LRFN5: variants seen among roughly 807,000 people sequenced by gnomAD.
LRFN5 encodes leucine-rich repeat and fibronectin type-III domain-containing protein 5.
Under a neutral mutation model 45.6 loss-of-function variants are expected in LRFN5, and 24 were observed. That is an observed-to-expected ratio of 0.53 (90% CI 0.38 to 0.74). LRFN5 has a LOEUF of 0.74. Among genes scored for constraint, LRFN5 ranks in the 30% least tolerant of loss-of-function variants. LRFN5 has a pLI of 0.00. For synonymous variants in LRFN5, 340 were observed against 313.8 expected, an observed-to-expected ratio of 1.08 and a Z score of -0.88; for missense variants, 776 against 861.5, an observed-to-expected ratio of 0.90 and a Z score of 1.24.
intron 1 of LRFN5, among the ~76,000 whole-genome samples, chr14:41,709,079 C>T (rs987872713): frequency 1.4e-5 from 2 of 143,980 alleles, no homozygotes; most frequent in African/African-American, 2.5e-5. Flanking sequence ...AAGTAAAACT[C>T]GTACCAACTG....
At chr14:41,898,881 A>G in intron 4 of LRFN5, 36 bp from the exon 5 acceptor site, 3 of 1,586,308 alleles carry the variant, frequency 1.9e-6, no homozygotes, top group Non-Finnish European at 1.7e-6. Flanking sequence ...TTTTAAAAAA[A>G]TGAATTGTTT....
intron 2 of LRFN5, among the ~76,000 whole-genome samples, chr14:41,804,037 T>C (rs1887433212): frequency 1.3e-5 from 2 of 152,070 alleles, no homozygotes; most frequent in African/African-American, 2.4e-5. Flanking sequence ...CTAATTTTTG[T>C]ATTTTTGGTA....
intron 2 of LRFN5, among the ~76,000 whole-genome samples, chr14:41,850,646 A>C (rs1235188089): frequency 6.6e-6 from 1 of 151,838 alleles, no homozygotes; most frequent in Admixed American, 6.6e-5. Flanking sequence ...AATTATAGAT[A>C]TATTTTCTTT....
intron 2 of LRFN5, among the ~76,000 whole-genome samples, chr14:41,874,906 G>T (rs555033115): frequency 9.1e-4 from 138 of 152,230 alleles, no homozygotes; most frequent in African/African-American, 3.2e-3. Context: ...AGGAGAAAAA[G>T]CCCCTTATAA....
intron 1 of LRFN5, chr14:41,731,819 A>G (rs1181723137): frequency 1.3e-5 from 2 of 152,236 alleles, no homozygotes; most frequent in African/African-American, 2.4e-5. Context: ...GGCAAAGAAG[A>G]GGAATTAGGA....
At chr14:41,768,335 A>G (rs1885961815) in intron 2 of LRFN5, among the ~76,000 whole-genome samples, 1 of 152,110 alleles carries the variant, frequency 6.6e-6, no homozygotes, top group Non-Finnish European at 1.5e-5. Flanking sequence ...TAATATATCT[A>G]GATTATATTG....
chr14:41,814,586 T>C (rs1046040609), intron 2 of LRFN5, among the ~76,000 whole-genome samples: 17 of 152,202 alleles, frequency 1.1e-4, no homozygotes, highest in Admixed American at 3.9e-4. Flanking sequence ...GCCTTATTTC[T>C]TGAGTATTAG....
At chr14:41,618,037 G>A (rs562807245) in intron 1 of LRFN5, among the ~76,000 whole-genome samples, 14 of 152,140 alleles carry the variant, frequency 9.2e-5, no homozygotes, top group South Asian at 2.1e-4. Flanking sequence ...TACCTCTTCC[G>A]TTTGGCAGAG....
At chr14:41,848,267 G>C (rs1240541742) in intron 2 of LRFN5, among the ~76,000 whole-genome samples, 1 of 151,924 alleles carries the variant, frequency 6.6e-6, no homozygotes, top group Non-Finnish European at 1.5e-5. Flanking sequence ...AACCTGTCTT[G>C]GTATCGTAGA....
intron 1 of LRFN5, among the ~76,000 whole-genome samples, chr14:41,703,987 G>T (rs554722761): frequency 2.0e-5 from 3 of 152,128 alleles, no homozygotes; most frequent in African/African-American, 7.2e-5. Flanking sequence ...GATCTAGGTA[G>T]CTCCATTATT....
chr14:41,836,849 C>T (rs1336317270), intron 2 of LRFN5, among the ~76,000 whole-genome samples: 1 of 149,204 alleles, frequency 6.7e-6, no homozygotes, highest in Admixed American at 6.7e-5. Context: ...TAGAAATTTT[C>T]CTGTTCAGCC....
intron 1 of LRFN5, chr14:41,699,893 G>A (rs954641321): frequency 8.5e-5 from 13 of 152,072 alleles, no homozygotes; most frequent in Non-Finnish European, 1.9e-4. Flanking sequence ...TTTCAAGGAT[G>A]AACAACTAAA....
intron 1 of LRFN5, among the ~76,000 whole-genome samples, chr14:41,670,280 TATATATATATATATATATATATATAC>T (rs1427002774): frequency 0.022 from 1,637 of 74,040 alleles, 107 homozygotes; most frequent in African/African-American, 0.099. Context: ...TATATATATA[TATATATATATATATATATATATATAC>T]ACACACACAG....
chr14:41,705,399 A>G (rs1458372725), intron 1 of LRFN5, among the ~76,000 whole-genome samples: 2 of 152,216 alleles, frequency 1.3e-5, no homozygotes, highest in Non-Finnish European at 1.5e-5. Flanking sequence ...TAATATTACA[A>G]TTTGAAATTA....
intron 1 of LRFN5, among the ~76,000 whole-genome samples, chr14:41,736,538 T>C (rs1211856607): frequency 2.0e-5 from 3 of 152,184 alleles, no homozygotes. Flanking sequence ...TCTCCTATTC[T>C]ACACATTGCC....
intron 1 of LRFN5, among the ~76,000 whole-genome samples, chr14:41,626,718 A>AT (rs146599696): frequency 0.025 from 3,874 of 152,050 alleles, 77 homozygotes; most frequent in Middle Eastern, 0.041. Context: ...TAAAAATACC[A>AT]TTTTTTCCTA....
intron 1 of LRFN5, among the ~76,000 whole-genome samples, chr14:41,640,306 T>G (rs768700150): frequency 3.9e-4 from 60 of 152,100 alleles, no homozygotes; most frequent in Non-Finnish European, 7.8e-4. Context: ...AACATACACT[T>G]TTTATGTCAA....
rs149767883 is a variant in LRFN5 at position 41,643,711 on chromosome 14, CCACACACA to C, written c.-197+35163_-197+35170del. ...GAGTGCACACATAGACATAAACACA[CCACACACA>C]CACACACACACACTGACTGTTTAAA... On this transcript the variant is annotated intron_variant, in intron 1 of 5. Transcript: ENST00000298119. Among the ~76,000 whole-genome samples the C allele has an allele frequency of 6.0e-5, 9 of 149,542 alleles. No homozygotes were observed. In the East Asian group the frequency reaches 1.4e-3, roughly 23 times the overall value.
chr14:41,873,841 A>G (rs1890102843), intron 2 of LRFN5, among the ~76,000 whole-genome samples: 1 of 152,170 alleles, frequency 6.6e-6, no homozygotes, highest in African/African-American at 2.4e-5. Context: ...GCAACAGCAC[A>G]ACAGAGCCAA....
Sources: allele counts gnomAD v4.1 joint callset (sites outside exome capture counted in the v4.1 genomes callset), GRCh38; gene constraint gnomAD v4.1.1; transcripts MANE v1.5; gene names NCBI Gene and HGNC (gene_info 2026-07-23, HGNC 2026-07-21).